FBXL7: variants seen among roughly 807,000 people sequenced by gnomAD.
FBXL7 encodes F-box/LRR-repeat protein 7.
Under a neutral mutation model 38.3 loss-of-function variants are expected in FBXL7, and 12 were observed. The observed-to-expected ratio is 0.31, with a 90% CI of 0.20 to 0.51. FBXL7 has a LOEUF of 0.51. FBXL7 is among the 20% of genes least tolerant of loss of function. The pLI, the probability that FBXL7 is intolerant of heterozygous loss-of-function variation, is 0.98. For missense variants in FBXL7, 567 were observed against 676.4 expected (o/e 0.84, Z 1.79); for synonymous variants, 297 against 300.9 (o/e 0.99, Z 0.13).
At chr5:15,580,102 A>G (rs190288319) in intron 1 of FBXL7, among the ~76,000 whole-genome samples, 1 of 152,022 alleles carries the variant, frequency 6.6e-6, no homozygotes, top group Non-Finnish European at 1.5e-5. Flanking sequence ...AATTAGCGTT[A>G]AAAAAGTTCA....
rs1240727176 is a variant in FBXL7, at chr5:15,939,349, G to GT, written c.*2163_*2164insT. 2 of 295,262 alleles carry GT rather than the reference G, an allele frequency of 6.8e-6. No individual in the cohort carries two copies. The highest frequency in any genetic ancestry group is 3.3e-4 in the South Asian group (2 of 6,052). The allele number at this position is 295,262 out of a possible 1,614,324, so 18.3% of individuals were successfully genotyped here. A position where few individuals can be genotyped will look rare whatever the true frequency, so the allele number is the denominator to read the frequency against. Reference sequence around the variant, plus strand: ...TCACAAAGGATTGTCCCTAATCCTTGGCCCTGGGGTCTTCCGAGTGAGCTG... The same window carrying GT: ...TCACAAAGGATTGTCCCTAATCCTTGTGCCCTGGGGTCTTCCGAGTGAGCTG... On this transcript the variant is annotated 3_prime_UTR_variant, in exon 4 of 4. Coordinates refer to ENST00000504595, the MANE Select transcript of FBXL7 (RefSeq NM_012304.5).
chr5:15,525,406 G>T (rs998889112), intron 1 of FBXL7, among the ~76,000 whole-genome samples: 1 of 152,062 alleles, frequency 6.6e-6, no homozygotes, highest in Non-Finnish European at 1.5e-5. Context: ...GTTTTATTGT[G>T]ATACCTTAGT....
At chr5:15,553,475 G>A (rs1319888375) in intron 1 of FBXL7, among the ~76,000 whole-genome samples, 2 of 152,084 alleles carry the variant, frequency 1.3e-5, no homozygotes, top group African/African-American at 4.8e-5. Context: ...ATTCATTAAG[G>A]CTTATATCTT....
intron 2 of FBXL7, among the ~76,000 whole-genome samples, chr5:15,633,694 G>C (rs1741071043): frequency 6.6e-6 from 1 of 151,100 alleles, no homozygotes; most frequent in South Asian, 2.1e-4. Flanking sequence ...CAGGCAGATA[G>C]ACTAGGCCTG....
intron 2 of FBXL7, among the ~76,000 whole-genome samples, chr5:15,769,270 T>C (rs941763063): frequency 1.3e-5 from 2 of 152,214 alleles, no homozygotes; most frequent in African/African-American, 2.4e-5. Flanking sequence ...TGTAGCTAAT[T>C]ATCATTATTT....
chr5:15,587,626 C>T (rs986400075), intron 1 of FBXL7, among the ~76,000 whole-genome samples: 3 of 151,944 alleles, frequency 2.0e-5, no homozygotes, highest in Non-Finnish European at 4.4e-5. Context: ...TGAGTCTTGT[C>T]CCCCTTTTAT....
chr5:15,591,582 G>A (rs968233416), intron 1 of FBXL7, among the ~76,000 whole-genome samples: 3 of 152,144 alleles, frequency 2.0e-5, no homozygotes, highest in African/African-American at 7.2e-5. Context: ...AGCCCGAGTC[G>A]AGAAGTGGCA....
At chr5:15,659,282 GA>G (rs373518189) in intron 2 of FBXL7, among the ~76,000 whole-genome samples, 376 of 148,414 alleles carry the variant, frequency 2.5e-3, no homozygotes, top group Non-Finnish European at 4.2e-3. Flanking sequence ...TGCAGTGAAG[GA>G]AAAAAAAATG....
chr5:15,857,420 C>T (rs762791232), intron 2 of FBXL7, among the ~76,000 whole-genome samples: 2 of 152,178 alleles, frequency 1.3e-5, no homozygotes, highest in African/African-American at 2.4e-5. Flanking sequence ...GCCTAAATGA[C>T]GTTTCCCATC....
intron 2 of FBXL7, among the ~76,000 whole-genome samples, chr5:15,821,278 A>G (rs1186758320): frequency 6.6e-6 from 1 of 152,104 alleles, no homozygotes; most frequent in Non-Finnish European, 1.5e-5. Flanking sequence ...TTATAAATTA[A>G]TTTTTTTAGG....
intron 2 of FBXL7, among the ~76,000 whole-genome samples, chr5:15,792,796 C>T (rs976973924): frequency 1.3e-5 from 2 of 152,148 alleles, no homozygotes; most frequent in East Asian, 1.9e-4. Context: ...AGGGATGAGG[C>T]CCCCTCTCCT....
At position 15,774,576 on chromosome 5, in the gene FBXL7, G is replaced by A. The variant is rs372137227; in HGVS notation, c.128-153314G>A. 5.9e-5 allele frequency among the ~76,000 whole-genome samples: 9 copies of A among 152,246 alleles called. 1 individual carries two copies. The South Asian group carries it at 1.9e-3, about 32-fold the overall frequency. On this transcript the variant is annotated intron_variant, in intron 2 of 3. Transcript: ENST00000504595. ...AGTGGCATATTCCCACCATAATATG[G>A]ACTCCAGATTTCTGTCCTGTCCTGA...
intron 2 of FBXL7, among the ~76,000 whole-genome samples, chr5:15,686,876 C>T (rs1324291617): frequency 2.0e-5 from 3 of 152,186 alleles, no homozygotes; most frequent in African/African-American, 7.2e-5. Context: ...ACAGGGGCTT[C>T]AAGCATGGTG....
intron 2 of FBXL7, among the ~76,000 whole-genome samples, chr5:15,618,921 A>ATATGCC (rs1410154996): frequency 1.3e-5 from 2 of 152,214 alleles, no homozygotes; most frequent in Non-Finnish European, 1.5e-5. Flanking sequence ...AAGTTTACTC[A>ATATGCC]TATAGGCCTT....
intron 2 of FBXL7, among the ~76,000 whole-genome samples, chr5:15,642,498 C>T (rs933056062): frequency 4.6e-5 from 7 of 152,090 alleles, no homozygotes; most frequent in Admixed American, 1.3e-4. Context: ...AAGAATTTGT[C>T]GATATTTGAA....
rs16903914 is a variant in FBXL7, at chr5:15,547,302, A to C, written c.37+46589A>C. 5.0e-3 allele frequency among the ~76,000 whole-genome samples: 765 copies of C among 152,274 alleles called. 9 individuals carry two copies. Among genetic ancestry groups the C allele is most frequent in the African/African-American group, 0.017 (719 of 41,544 alleles). On this transcript the variant is annotated intron_variant, in intron 1 of 3. Coordinates refer to ENST00000504595, the MANE Select transcript of FBXL7 (RefSeq NM_012304.5). ...AGAAAACTGATTACCTCTTGGGAAAATTTCCCTTTCATCTTAGCAGACAAC... is the reference window on the plus strand; with the variant it reads ...AGAAAACTGATTACCTCTTGGGAAACTTTCCCTTTCATCTTAGCAGACAAC...
intron 2 of FBXL7, among the ~76,000 whole-genome samples, chr5:15,889,131 C>T (rs1740800638): frequency 6.6e-6 from 1 of 152,112 alleles, no homozygotes; most frequent in African/African-American, 2.4e-5. Context: ...CTCTCAGAGA[C>T]AAGGAATGGT....
At chr5:15,753,029 C>A (rs879824960) in intron 2 of FBXL7, among the ~76,000 whole-genome samples, 4 of 152,090 alleles carry the variant, frequency 2.6e-5, no homozygotes, top group African/African-American at 9.7e-5. Flanking sequence ...TGAACATTTT[C>A]GCCGCTGCAA....
intron 2 of FBXL7, among the ~76,000 whole-genome samples, chr5:15,683,600 A>T (rs952856847): frequency 3.3e-5 from 5 of 152,238 alleles, no homozygotes; most frequent in African/African-American, 1.2e-4. Context: ...ATTTCACAAT[A>T]GACTTCCTCT....
Sources: gnomAD v4.1 joint callset for allele counts (sites outside exome capture counted in the v4.1 genomes callset) on GRCh38, gnomAD v4.1.1 for gene constraint, MANE v1.5 for transcripts, NCBI Gene and HGNC (gene_info 2026-07-23, HGNC 2026-07-21) for gene names.